The following COL4A1 variants were observed in gnomAD, a reference collection of about 807,000 sequenced individuals.
COL4A1 encodes collagen type IV alpha 1 chain.
COL4A1 carries 40 observed loss-of-function variants against 216.6 expected under a neutral mutation model. That is an observed-to-expected ratio of 0.18 (90% CI 0.14 to 0.24). COL4A1 has a LOEUF of 0.24. Ranked by LOEUF, COL4A1 falls within the 10% of genes least tolerant of loss-of-function variation. The pLI is 1.00. For synonymous variants in COL4A1, 839 were observed against 810.7 expected, an observed-to-expected ratio of 1.03 and a Z score of -0.59; for missense variants, 1,628 against 2,196.8, an observed-to-expected ratio of 0.74 and a Z score of 5.18.
chr13:110,160,541 A>G (rs1194179652), intron 49 of COL4A1, among the ~76,000 whole-genome samples: 1 of 152,212 alleles, frequency 6.6e-6, no homozygotes, highest in African/African-American at 2.4e-5. Flanking sequence ...TTTTAAAAAG[A>G]AAGATTGAGC....
chr13:110,198,378 G>T (rs770093500), intron 21 of COL4A1, 89 bp downstream of exon 21: 92 of 1,417,160 alleles, frequency 6.5e-5, no homozygotes, highest in Middle Eastern at 2.5e-4. Context: ...CTCTGGCTGT[G>T]GGGGACTATC....
intron 2 of COL4A1, among the ~76,000 whole-genome samples, chr13:110,219,153 G>A (rs550178441): frequency 6.6e-6 from 1 of 152,328 alleles, no homozygotes; most frequent in South Asian, 2.1e-4. Flanking sequence ...GAGGCTTGAC[G>A]TCAGGGCAGG....
At chr13:110,174,331 G>C (rs1189055963) in intron 39 of COL4A1, 115 bp downstream of exon 39, 1 of 1,140,564 alleles carries the variant, frequency 8.8e-7, no homozygotes, top group African/African-American at 1.5e-5. Context: ...GAAGATGGGA[G>C]ACAGGACAGC....
chr13:110,286,281 C>T (rs570740387), intron 1 of COL4A1, among the ~76,000 whole-genome samples: 1 of 152,314 alleles, frequency 6.6e-6, no homozygotes, highest in Admixed American at 6.5e-5. Context: ...CACACCCAGG[C>T]CAATAACCAT....
intron 8 of COL4A1, among the ~76,000 whole-genome samples, chr13:110,210,429 C>T (rs1328242452): frequency 1.3e-5 from 2 of 152,068 alleles, no homozygotes; most frequent in Admixed American, 6.5e-5. Context: ...TCAACTGAGC[C>T]GCAGCCGGGA....
At chr13:110,270,795 T>C (rs1883218195) in intron 1 of COL4A1, among the ~76,000 whole-genome samples, 1 of 152,200 alleles carries the variant, frequency 6.6e-6, no homozygotes, top group Non-Finnish European at 1.5e-5. Context: ...TAGTTAGGTC[T>C]AGAAGCAAAG....
intron 20 of COL4A1, among the ~76,000 whole-genome samples, chr13:110,198,874 T>C (rs528056942): frequency 6.6e-6 from 1 of 152,364 alleles, no homozygotes; most frequent in South Asian, 2.1e-4. Context: ...TATTAAAATC[T>C]GTGAATTTCT....
intron 34 of COL4A1, 57 bp from the exon 35 acceptor site, chr13:110,176,781 G>C: frequency 6.2e-7 from 1 of 1,613,530 alleles, no homozygotes; most frequent in South Asian, 1.1e-5. Flanking sequence ...GCAAGTTGCT[G>C]CAGAAACGCA....
chr13:110,259,247 T>A (rs1275769877), intron 1 of COL4A1, among the ~76,000 whole-genome samples: 1 of 152,272 alleles, frequency 6.6e-6, no homozygotes, highest in Admixed American at 6.5e-5. Context: ...TTAATTGTTT[T>A]ATTTTTATTT....
chr13:110,245,402 C>T (rs1339274566), intron 1 of COL4A1, among the ~76,000 whole-genome samples: 1 of 152,202 alleles, frequency 6.6e-6, no homozygotes, highest in African/African-American at 2.4e-5. Context: ...GGAAAACCCA[C>T]CAGGCTAAGT....
intron 2 of COL4A1, among the ~76,000 whole-genome samples, chr13:110,215,290 TC>T (rs1330846354): frequency 3.2e-4 from 3 of 9,342 alleles, no homozygotes; most frequent in African/African-American, 2.8e-3. Context: ...GTGCGGTGGC[TC>T]GCTCATGCCT....
intron 2 of COL4A1, among the ~76,000 whole-genome samples, chr13:110,219,234 G>A (rs1880254735): frequency 6.6e-6 from 1 of 152,188 alleles, no homozygotes; most frequent in African/African-American, 2.4e-5. Context: ...TTGCCTAAGA[G>A]GAAGGCGTGA....
chr13:110,266,274 G>A (rs61963337), intron 1 of COL4A1, among the ~76,000 whole-genome samples: 27,009 of 152,200 alleles, frequency 0.18, 2,547 homozygotes, highest in Non-Finnish European at 0.2. Context: ...ACCAAGCTCC[G>A]GGCCAGCCGA....
At chr13:110,163,412 A>G (rs1877175638) in intron 47 of COL4A1, 51 bp downstream of exon 47, 1 of 1,541,966 alleles carries the variant, frequency 6.5e-7, no homozygotes, top group Middle Eastern at 1.7e-4. Flanking sequence ...TGCTCCTTCT[A>G]TCCCAAAGAT....
chr13:110,279,386 T>A (rs1883539654), intron 1 of COL4A1, among the ~76,000 whole-genome samples: 1 of 152,210 alleles, frequency 6.6e-6, no homozygotes, highest in African/African-American at 2.4e-5. Context: ...TCTGAGCTCA[T>A]GTACATAATG....
chr13:110,247,027 A>T (rs1294132229), intron 1 of COL4A1, among the ~76,000 whole-genome samples: 1 of 152,168 alleles, frequency 6.6e-6, no homozygotes, highest in Non-Finnish European at 1.5e-5. Context: ...CAACAGCAAC[A>T]CAGGTACCCC....
At chr13:110,243,201 A>G (rs929379078) in intron 1 of COL4A1, among the ~76,000 whole-genome samples, 12 of 152,236 alleles carry the variant, frequency 7.9e-5, no homozygotes, top group African/African-American at 2.9e-4. Flanking sequence ...GTTTGTACAG[A>G]ACAGAATAAA....
chr13:110,219,880 A>ATATATATGTGTGTATATATATG lies in COL4A1; in HGVS notation c.145-5887_145-5866dup, dbSNP rs1566385991. 4.4e-4 allele frequency among the ~76,000 whole-genome samples: 45 copies of ATATATATGTGTGTATATATATG among 103,050 alleles called. 1 individual carries two copies. Among genetic ancestry groups the ATATATATGTGTGTATATATATG allele is most frequent in the East Asian group, 1.7e-3 (6 of 3,530 alleles). The allele number at this position is 103,050 out of a possible 152,430, so 67.6% of individuals were successfully genotyped here. ...TGTATATATGTGTGTGTATATATGT[A>ATATATATGTGTGTATATATATG]TATATATGTGTGTATATATATGTAT... On this transcript the variant is annotated intron_variant, in intron 2 of 51. Coordinates refer to ENST00000375820, the MANE Select transcript of COL4A1 (RefSeq NM_001845.6).
In COL4A1 at chr13:110,172,752, A is replaced by G; in HGVS notation, c.3524T>C (p.Phe1175Ser). The change falls in exon 41 of 52, where the codon TTC becomes TCC. Residue 1175 changes from phenylalanine to serine, a missense_variant. Physicochemically the swap from Phe to Ser is radical, Grantham distance 155. Around this residue, in one of 8 missense-constraint regions of COL4A1, gnomAD observed 345 missense variants for 476.9 expected, o/e 0.72. Transcript: ENST00000375820. ...TCCTTTGGCCCCTGGAAACCCTGGGAATCCTCTTCCTGGTAGACCTATAAG... is the reference window on the plus strand; with the variant it reads ...TCCTTTGGCCCCTGGAAACCCTGGGGATCCTCTTCCTGGTAGACCTATAAG... ...KGEPGLPGRG[F>S]PGFPGAKGDK... 1 of 1,614,122 alleles carries G rather than the reference A, an allele frequency of 6.2e-7. No homozygotes were observed. Among genetic ancestry groups the G allele is most frequent in the African/African-American group, 1.3e-5 (1 of 75,058 alleles).
Sources: gnomAD v4.1 joint callset for allele counts (sites outside exome capture counted in the v4.1 genomes callset) on GRCh38, gnomAD v4.1.1 for gene constraint, gnomAD v4.1.1 regional missense constraint, MANE v1.5 for transcripts, NCBI Gene and HGNC (gene_info 2026-07-23, HGNC 2026-07-21) for gene names.